ELOVL6: variants seen among roughly 807,000 people sequenced by gnomAD.
ELOVL6 encodes ELOVL fatty acid elongase 6, also known as very long chain fatty acid elongase 6.
A neutral mutation model predicts 31.7 loss-of-function variants in ELOVL6; 8 were observed. That is an observed-to-expected ratio of 0.25 (90% CI 0.15 to 0.45). The LOEUF (loss-of-function observed/expected upper bound fraction) is 0.45, where lower values mean the gene tolerates loss of function less well. Among genes scored for constraint, ELOVL6 ranks in the 20% least tolerant of loss-of-function variants. The probability of loss-of-function intolerance (pLI) is 1.00; values close to 1 mark genes in which losing one functional copy is unlikely to be tolerated. For synonymous variants in ELOVL6, 101 were observed against 117.7 expected, an observed-to-expected ratio of 0.86 and a Z score of 0.92; for missense variants, 126 against 326.4, an observed-to-expected ratio of 0.39 and a Z score of 4.73.
chr4:110,094,484 A>G (rs1233545038), intron 2 of ELOVL6, among the ~76,000 whole-genome samples: 1 of 137,822 alleles, frequency 7.3e-6, no homozygotes, highest in Non-Finnish European at 1.6e-5. Context: ...AAATATATGT[A>G]ATTATAATAT....
intron 2 of ELOVL6, among the ~76,000 whole-genome samples, chr4:110,091,100 T>G (rs983868193): frequency 6.6e-6 from 1 of 152,188 alleles, no homozygotes; most frequent in Non-Finnish European, 1.5e-5. Flanking sequence ...CAGAAGATGT[T>G]TGTTTGCTTT....
chr4:110,082,725 C>A (rs1244808380), intron 2 of ELOVL6, among the ~76,000 whole-genome samples: 1 of 152,030 alleles, frequency 6.6e-6, no homozygotes, highest in Non-Finnish European at 1.5e-5. Context: ...GCACATGTAC[C>A]CTAAAACTCA....
At position 110,097,990 on chromosome 4, in the gene ELOVL6, C is replaced by T. The variant is rs917249017; in HGVS notation, c.221+7507G>A. ...TTGGTATAGAAAATGTGACATTTTA[C>T]ATTTTCGAGTAGGCTAAAGATAAAA... is the stretch of plus-strand genomic sequence containing the variant. On this transcript the variant is annotated intron_variant, in intron 2 of 3. Coordinates refer to ENST00000302274, the MANE Select transcript of ELOVL6 (RefSeq NM_024090.3). Among the ~76,000 whole-genome samples, 105 of 152,220 alleles carry T rather than the reference C, an allele frequency of 6.9e-4. 2 individuals are homozygous for T. Among genetic ancestry groups the T allele is most frequent in the African/African-American group, 2.3e-3 (95 of 41,556 alleles).
At chr4:110,084,436 A>ATATGATATACCACATATATGATATG (rs1756142922) in intron 2 of ELOVL6, among the ~76,000 whole-genome samples, 1 of 103,232 alleles carries the variant, frequency 9.7e-6, no homozygotes, top group South Asian at 2.8e-4. Flanking sequence ...CATATATCAT[A>ATATGATATACCACATATATGATATG]TATGATATAT....
At chr4:110,069,170 TAGG>T (rs199583703) in intron 2 of ELOVL6, among the ~76,000 whole-genome samples, 12,155 of 135,056 alleles carry the variant, frequency 0.09, 637 homozygotes, top group East Asian at 0.3. Context: ...ATAATAATAA[TAGG>T]GACACTTGGT....
chr4:110,177,019 C>A (rs62326611), intron 1 of ELOVL6, among the ~76,000 whole-genome samples: 6,627 of 152,352 alleles, frequency 0.043, 202 homozygotes, highest in South Asian at 0.12. Flanking sequence ...CAGGCGTGAG[C>A]CACCACGCCC....
chr4:110,054,539 T>C (rs1754925367), intron 3 of ELOVL6, among the ~76,000 whole-genome samples: 1 of 152,252 alleles, frequency 6.6e-6, no homozygotes. Context: ...CATGAGTCTC[T>C]TAGCATTAAC....
intron 1 of ELOVL6, among the ~76,000 whole-genome samples, chr4:110,178,445 G>T (rs927747817): frequency 3.3e-5 from 5 of 152,066 alleles, no homozygotes; most frequent in African/African-American, 1.2e-4. Flanking sequence ...GGGAGGCTGA[G>T]GCAGAAGAAT....
At chr4:110,122,565 A>G (rs1007262458) in intron 1 of ELOVL6, among the ~76,000 whole-genome samples, 4 of 152,118 alleles carry the variant, frequency 2.6e-5, no homozygotes, top group African/African-American at 9.7e-5. Context: ...TTTTGTAGAG[A>G]TGAAGCTTCA....
intron 1 of ELOVL6, among the ~76,000 whole-genome samples, chr4:110,181,322 C>T (rs1373217057): frequency 6.6e-6 from 1 of 151,958 alleles, no homozygotes; most frequent in Non-Finnish European, 1.5e-5. Flanking sequence ...GTGGTGTGCA[C>T]CTGTAATACC....
chr4:110,086,645 G>C (rs970625949), intron 2 of ELOVL6, among the ~76,000 whole-genome samples: 1 of 152,126 alleles, frequency 6.6e-6, no homozygotes, highest in Non-Finnish European at 1.5e-5. Flanking sequence ...TTATGACCAT[G>C]CTTCCCAGGG....
chr4:110,124,571 A>G (rs1757443522), intron 1 of ELOVL6, among the ~76,000 whole-genome samples: 1 of 152,160 alleles, frequency 6.6e-6, no homozygotes, highest in South Asian at 2.1e-4. Flanking sequence ...GAGTTAGGGG[A>G]GGGAGACCAT....
At chr4:110,132,170 A>G (rs1757687729) in intron 1 of ELOVL6, among the ~76,000 whole-genome samples, 1 of 152,094 alleles carries the variant, frequency 6.6e-6, no homozygotes, top group South Asian at 2.1e-4. Context: ...GAAGCCATGA[A>G]GGGTTTTAAG....
intron 1 of ELOVL6, among the ~76,000 whole-genome samples, chr4:110,189,305 G>A (rs1003678510): frequency 5.9e-5 from 9 of 152,070 alleles, no homozygotes; most frequent in African/African-American, 1.9e-4. Flanking sequence ...GAGAGAGAGA[G>A]GCTAGACGCA....
intron 2 of ELOVL6, among the ~76,000 whole-genome samples, chr4:110,064,435 T>C (rs1755240361): frequency 6.6e-6 from 1 of 152,110 alleles, no homozygotes; most frequent in Non-Finnish European, 1.5e-5. Context: ...TTCTATTTTG[T>C]ACTGTGTACA....
At chr4:110,171,728 G>A (rs1437617792) in intron 1 of ELOVL6, among the ~76,000 whole-genome samples, 2 of 106,906 alleles carry the variant, frequency 1.9e-5, no homozygotes, top group African/African-American at 3.7e-5. Flanking sequence ...GTCTCTCTCT[G>A]TGTTGTCCAG....
chr4:110,093,279 G>A (rs966193653), intron 2 of ELOVL6: 1 of 277,676 alleles, frequency 3.6e-6, no homozygotes, highest in Non-Finnish European at 7.2e-6. Flanking sequence ...GTAAATATCT[G>A]TGAGAACTGG....
chr4:110,097,305 C>CCAAAAAAAAAAAAAA (rs1756609845), intron 2 of ELOVL6, among the ~76,000 whole-genome samples: 1 of 88,684 alleles, frequency 1.1e-5, no homozygotes, highest in East Asian at 4.0e-4. Flanking sequence ...ACTCCATCTC[C>CCAAAAAAAAAAAAAA]AAAAAAAAAA....
intron 2 of ELOVL6, among the ~76,000 whole-genome samples, chr4:110,101,025 G>A (rs1756725825): frequency 6.6e-6 from 1 of 152,168 alleles, no homozygotes; most frequent in African/African-American, 2.4e-5. Context: ...ACAACTGTTT[G>A]TGAAAAGCAG....
Sources: allele counts gnomAD v4.1 joint callset (sites outside exome capture counted in the v4.1 genomes callset), GRCh38; gene constraint gnomAD v4.1.1; transcripts MANE v1.5; gene names NCBI Gene and HGNC (gene_info 2026-07-23, HGNC 2026-07-21).